The following PRDM16 variants were observed in gnomAD, a reference collection of about 807,000 sequenced individuals.
PRDM16 encodes histone-lysine N-methyltransferase PRDM16.
A neutral mutation model predicts 110.6 loss-of-function variants in PRDM16; 23 were observed. That is an observed-to-expected ratio of 0.21 (90% CI 0.15 to 0.29). PRDM16 has a LOEUF of 0.29. Ranked by LOEUF, PRDM16 falls within the 10% of genes least tolerant of loss-of-function variation. The pLI is 1.00. For synonymous variants in PRDM16, 799 were observed against 781.8 expected, an observed-to-expected ratio of 1.02 and a Z score of -0.37; for missense variants, 1,615 against 1,794.3, an observed-to-expected ratio of 0.90 and a Z score of 1.81.
intron 1 of PRDM16, among the ~76,000 whole-genome samples, chr1:3,093,560 C>A (rs1642325418): frequency 6.6e-6 from 1 of 151,872 alleles, no homozygotes; most frequent in Non-Finnish European, 1.5e-5. Flanking sequence ...CCCGGCATCT[C>A]CACTGTGTGT....
At chr1:3,306,775 C>T (rs1335248384) in intron 3 of PRDM16, 1 of 152,178 alleles carries the variant, frequency 6.6e-6, no homozygotes. Context: ...AATTTTAGTA[C>T]ATTTTTATCA....
chr1:3,264,835 T>TG (rs1304258558), intron 3 of PRDM16, among the ~76,000 whole-genome samples: 1 of 151,920 alleles, frequency 6.6e-6, no homozygotes, highest in Non-Finnish European at 1.5e-5. Context: ...CAGACATATT[T>TG]GGGACATCTC....
At chr1:3,285,773 C>T (rs1312663180) in intron 3 of PRDM16, among the ~76,000 whole-genome samples, 1 of 152,114 alleles carries the variant, frequency 6.6e-6, no homozygotes, top group South Asian at 2.1e-4. Context: ...GGAAAGCCCC[C>T]CCACCACCGG....
intron 1 of PRDM16, among the ~76,000 whole-genome samples, chr1:3,072,697 G>C (rs1641795339): frequency 6.6e-6 from 1 of 152,204 alleles, no homozygotes; most frequent in Non-Finnish European, 1.5e-5. Context: ...CCCCTCCCCA[G>C]AGCCAGGACG....
chr1:3,136,432 A>AACCAGGCCTGAC (rs1643439800), intron 1 of PRDM16, among the ~76,000 whole-genome samples: 1 of 152,148 alleles, frequency 6.6e-6, no homozygotes, highest in African/African-American at 2.4e-5. Flanking sequence ...TGGGGCTGGG[A>AACCAGGCCTGAC]CCCAGGCCTG....
intron 8 of PRDM16, among the ~76,000 whole-genome samples, chr1:3,409,061 C>G (rs963264032): frequency 7.7e-6 from 1 of 129,170 alleles, no homozygotes; most frequent in East Asian, 2.5e-4. Flanking sequence ...GTGCGTGTGT[C>G]GGCGCACGTG....
chr1:3,286,000 A>G (rs1393662735), intron 3 of PRDM16, among the ~76,000 whole-genome samples: 2 of 152,214 alleles, frequency 1.3e-5, no homozygotes, highest in Non-Finnish European at 2.9e-5. Context: ...CAATAAATTG[A>G]TCATATTGTG....
chr1:3,394,435 G>A (rs1643352364), intron 4 of PRDM16: 2 of 449,666 alleles, frequency 4.4e-6, no homozygotes, highest in Non-Finnish European at 8.9e-6. Flanking sequence ...AGGGAGTGCG[G>A]GAGGATGCCC....
chr1:3,074,144 G>C (rs1557427254), intron 1 of PRDM16, among the ~76,000 whole-genome samples: 1 of 152,250 alleles, frequency 6.6e-6, no homozygotes, highest in African/African-American at 2.4e-5. Context: ...GCAACCTCGG[G>C]AGACGGGCCG....
chr1:3,317,703 G>A (rs1321426144), intron 3 of PRDM16, among the ~76,000 whole-genome samples: 1 of 152,220 alleles, frequency 6.6e-6, no homozygotes, highest in Admixed American at 6.5e-5. Context: ...GTGCGTGGGT[G>A]CCCCAGCCCG....
At chr1:3,139,841 C>T (rs555176538) in intron 1 of PRDM16, among the ~76,000 whole-genome samples, 79 of 152,330 alleles carry the variant, frequency 5.2e-4, no homozygotes, top group African/African-American at 1.0e-3. Flanking sequence ...AGGTGAAAGA[C>T]GGTCCTAAGA....
intron 3 of PRDM16, among the ~76,000 whole-genome samples, chr1:3,275,530 C>T (rs981076002): frequency 2.0e-5 from 3 of 152,002 alleles, no homozygotes; most frequent in Non-Finnish European, 4.4e-5. Context: ...CGGCATGCCC[C>T]GAGGTGGGGG....
intron 3 of PRDM16, among the ~76,000 whole-genome samples, chr1:3,305,354 C>T (rs1001220792): frequency 1.3e-5 from 2 of 152,186 alleles, no homozygotes; most frequent in African/African-American, 2.4e-5. Flanking sequence ...TGCCCCGCAG[C>T]CCCTGCCCGT....
rs1415213457 is a variant in PRDM16 at position 3,081,186 on chromosome 1, G to A, written c.37+11890G>A. ...CCGAGGTTAGATAAAGCCGCTAAAA[G>A]CTGCTGTTTGTTATTGAATCTCATC... On this transcript the variant is annotated intron_variant, in intron 1 of 16. Transcript: ENST00000270722. This position sits in a 1 kb window ranked among gnomAD's most constrained non-coding sequence, Gnocchi z 4.6. 6.6e-6 allele frequency among the ~76,000 whole-genome samples: 1 copy of A among 152,220 alleles called. No homozygotes were observed. Among genetic ancestry groups the A allele is most frequent in the Non-Finnish European group, 1.5e-5 (1 of 68,042 alleles).
At chr1:3,366,920 C>T (rs1018691239) in intron 3 of PRDM16, among the ~76,000 whole-genome samples, 4 of 152,146 alleles carry the variant, frequency 2.6e-5, no homozygotes, top group African/African-American at 4.8e-5. Context: ...GGGGGCTGCA[C>T]GTGCGTGTTT....
chr1:3,418,589 C>A, intron 11 of PRDM16, 78 bp from the exon 12 acceptor site: 1 of 1,009,120 alleles, frequency 9.9e-7, no homozygotes, highest in Non-Finnish European at 1.6e-6. Context: ...CGAGCATTAG[C>A]TTGAAACCAT....
rs192219356 is a variant in PRDM16, at chr1:3,403,085, C to T, written c.884+87C>T. The T allele has an allele frequency of 3.1e-4, 342 of 1,116,852 alleles. 1 individual carries two copies. In the African/African-American group the frequency reaches 4.8e-3, roughly 16 times the overall value. 69.2% of individuals were successfully genotyped at this position (1,116,852 alleles called of 1,614,324 possible). A position where few individuals can be genotyped will look rare whatever the true frequency, so the allele number is the denominator to read the frequency against. On this transcript the variant is annotated intron_variant, in intron 6 of 16. Transcript: ENST00000270722. The stretch of plus-strand genomic sequence containing the variant: ...CTTCCCGTGCCCTCCTCTGAGTCTT[C>T]CTCCCCTCCCTTCCCCCGCCTCGCC...
chr1:3,433,812 C>T lies in PRDM16; in HGVS notation c.*1C>T, dbSNP rs756085266. 2.6e-5 allele frequency: 42 copies of T among 1,612,588 alleles called. No individual in the cohort carries two copies. The highest frequency in any genetic ancestry group is 3.3e-4 in the Middle Eastern group (2 of 6,084). Reference sequence around the variant, plus strand: ...ATTTCACCCCATCAACCACCTCTGACGGGCTGGGCAGCCGGGGGCCGGTGG... The same window carrying T: ...ATTTCACCCCATCAACCACCTCTGATGGGCTGGGCAGCCGGGGGCCGGTGG... On this transcript the variant is annotated 3_prime_UTR_variant, in exon 17 of 17. Transcript: ENST00000270722.
chr1:3,307,747 C>G (rs1410590058), intron 3 of PRDM16: 1 of 152,214 alleles, frequency 6.6e-6, no homozygotes, highest in East Asian at 1.9e-4. Context: ...CCATCTCTCC[C>G]TGTGTCCCTG....
Sources: gnomAD v4.1 joint callset for allele counts (sites outside exome capture counted in the v4.1 genomes callset) on GRCh38, gnomAD v4.1.1 for gene constraint, Gnocchi (gnomAD v3.1) non-coding constraint, MANE v1.5 for transcripts, NCBI Gene and HGNC (gene_info 2026-07-23, HGNC 2026-07-21) for gene names.